The following PIBF1 variants were observed in gnomAD, a reference collection of about 807,000 sequenced individuals.
The protein encoded by PIBF1 is progesterone-induced-blocking factor 1.
Under a neutral mutation model 112.5 loss-of-function variants are expected in PIBF1, and 90 were observed. That is an observed-to-expected ratio of 0.80 (90% CI 0.67 to 0.95). The LOEUF (loss-of-function observed/expected upper bound fraction) is 0.95, where lower values mean the gene tolerates loss of function less well. Ranked by LOEUF, PIBF1 falls within the 40% of genes least tolerant of loss-of-function variation. The pLI is 0.00. For missense variants in PIBF1, 915 were observed against 852.3 expected, an observed-to-expected ratio of 1.07 and a Z score of -0.92; for synonymous variants, 301 against 288.6, an observed-to-expected ratio of 1.04 and a Z score of -0.44.
intron 2 of PIBF1, among the ~76,000 whole-genome samples, chr13:72,788,224 G>A (rs565222997): frequency 6.6e-6 from 1 of 152,260 alleles, no homozygotes; most frequent in African/African-American, 2.4e-5. Flanking sequence ...AAGCATTTAA[G>A]TAGTCCTGAA....
At chr13:72,796,919 C>G (rs937019966) in intron 4 of PIBF1, among the ~76,000 whole-genome samples, 1 of 152,028 alleles carries the variant, frequency 6.6e-6, no homozygotes, top group Non-Finnish European at 1.5e-5. Flanking sequence ...TTGCCTCTTA[C>G]CAAATAATGG....
At chr13:72,918,381 C>CAATTTTTTTTTTTTTT (rs1566446329) in intron 13 of PIBF1, among the ~76,000 whole-genome samples, 1 of 131,742 alleles carries the variant, frequency 7.6e-6, no homozygotes, top group Non-Finnish European at 1.6e-5. Context: ...CAGCAACTAC[C>CAATTTTTTTTTTTTTT]TATTTTTTTT....
At position 72,965,401 on chromosome 13, in the gene PIBF1, T is replaced by C; in HGVS notation, c.1961T>C (p.Val654Ala). 1.2e-6 allele frequency: 2 copies of C among 1,605,422 alleles called. No individual in the cohort carries two copies. Residue 654 changes from valine (V) to alanine (A), a missense_variant, in exon 15 of 18, where the codon GTC becomes GCC. Physicochemically the swap from Val to Ala is moderately conservative, Grantham distance 64. Coordinates refer to ENST00000326291, the MANE Select transcript of PIBF1 (RefSeq NM_006346.4). ...TESIAQLEKD[V>A]SNLNKEKSAL... is the part of the protein sequence containing the mutation. The stretch of plus-strand genomic sequence containing the variant: ...TCTATTGCACAACTTGAGAAAGATG[T>C]CAGGTAAACCATCTACAAATCTTTT...
chr13:72,848,998 A>C (rs2038006386), intron 9 of PIBF1, among the ~76,000 whole-genome samples: 1 of 152,212 alleles, frequency 6.6e-6, no homozygotes, highest in Non-Finnish European at 1.5e-5. Context: ...CAGGTTGAAA[A>C]ATACATTATT....
chr13:72,807,958 A>G (rs1280226015), intron 5 of PIBF1, among the ~76,000 whole-genome samples: 3 of 152,130 alleles, frequency 2.0e-5, no homozygotes, highest in Non-Finnish European at 4.4e-5. Flanking sequence ...TGCCAGTCAC[A>G]TTTAATTTTA....
At chr13:72,800,821 GAAAA>G (rs541103476) in intron 5 of PIBF1, among the ~76,000 whole-genome samples, 1 of 152,022 alleles carries the variant, frequency 6.6e-6, no homozygotes. Flanking sequence ...ATAGAAAAAA[GAAAA>G]AAATAGTTCA....
At chr13:72,864,715 A>G (rs1467409585) in intron 10 of PIBF1, among the ~76,000 whole-genome samples, 1 of 152,156 alleles carries the variant, frequency 6.6e-6, no homozygotes, top group Middle Eastern at 3.2e-3. Context: ...ATAAAAACTA[A>G]AGTTAAGGGT....
At chr13:72,822,331 TG>T (rs1260230163) in intron 6 of PIBF1, among the ~76,000 whole-genome samples, 1 of 152,066 alleles carries the variant, frequency 6.6e-6, no homozygotes, top group African/African-American at 2.4e-5. Flanking sequence ...TGTTTCTTCC[TG>T]ACAAAAGACA....
At chr13:72,837,803 C>T (rs150206442) in intron 9 of PIBF1, among the ~76,000 whole-genome samples, 1 of 152,078 alleles carries the variant, frequency 6.6e-6, no homozygotes, top group African/African-American at 2.4e-5. Flanking sequence ...ATTTTTGTGG[C>T]TTCTTCACAT....
intron 14 of PIBF1, among the ~76,000 whole-genome samples, chr13:72,963,440 GA>G (rs1272268399): frequency 4.0e-5 from 6 of 151,730 alleles, no homozygotes; most frequent in Non-Finnish European, 7.4e-5. Context: ...CTAAAAATAT[GA>G]AAATTAGCCA....
At chr13:72,859,578 A>G (rs2038601272) in intron 10 of PIBF1, among the ~76,000 whole-genome samples, 2 of 152,210 alleles carry the variant, frequency 1.3e-5, no homozygotes, top group African/African-American at 4.8e-5. Flanking sequence ...TAATTGAATA[A>G]TGAAGTAAGG....
chr13:72,954,208 G>A (rs768745987), intron 14 of PIBF1, among the ~76,000 whole-genome samples: 1 of 152,126 alleles, frequency 6.6e-6, no homozygotes, highest in Non-Finnish European at 1.5e-5. Flanking sequence ...TCAGTATTCT[G>A]CTAACAGCAA....
intron 11 of PIBF1, among the ~76,000 whole-genome samples, chr13:72,896,297 T>G (rs1370398022): frequency 6.6e-6 from 1 of 152,118 alleles, no homozygotes; most frequent in Non-Finnish European, 1.5e-5. Context: ...CAAAAGAACC[T>G]GAACAACAGC....
intron 10 of PIBF1, among the ~76,000 whole-genome samples, chr13:72,873,013 A>AT (rs1458467050): frequency 1.3e-5 from 2 of 152,156 alleles, no homozygotes; most frequent in African/African-American, 4.8e-5. Context: ...GTAGTGTCAA[A>AT]TTTTCCCAAA....
chr13:73,002,234 T>C (rs2043893494), intron 17 of PIBF1, among the ~76,000 whole-genome samples: 1 of 152,222 alleles, frequency 6.6e-6, no homozygotes, highest in South Asian at 2.1e-4. Context: ...TTAGTTATGT[T>C]CTTAGCTGTT....
intron 16 of PIBF1, among the ~76,000 whole-genome samples, chr13:72,990,801 T>A (rs1032740227): frequency 1.3e-5 from 2 of 152,138 alleles, no homozygotes; most frequent in African/African-American, 4.8e-5. Context: ...TGAGCCAAGA[T>A]CATGCCACTG....
chr13:72,835,602 C>T (rs1354828873), intron 9 of PIBF1, among the ~76,000 whole-genome samples: 2 of 150,996 alleles, frequency 1.3e-5, no homozygotes, highest in Non-Finnish European at 3.0e-5. Context: ...TTTTTTTTTA[C>T]CCTAGTGACT....
chr13:72,814,451 AAG>A (rs1418325931), intron 5 of PIBF1, among the ~76,000 whole-genome samples: 5 of 151,198 alleles, frequency 3.3e-5, no homozygotes, highest in Non-Finnish European at 7.4e-5. Context: ...AAAAAAAAAA[AAG>A]ATTGAAAAAT....
chr13:72,911,161 C>T (rs2040879314), intron 12 of PIBF1, among the ~76,000 whole-genome samples: 1 of 151,966 alleles, frequency 6.6e-6, no homozygotes, highest in East Asian at 1.9e-4. Context: ...TGCACTCCAG[C>T]CTGGGCAACA....
Sources: gnomAD v4.1 joint callset for allele counts (sites outside exome capture counted in the v4.1 genomes callset) on GRCh38, gnomAD v4.1.1 for gene constraint, MANE v1.5 for transcripts, NCBI Gene and HGNC (gene_info 2026-07-23, HGNC 2026-07-21) for gene names.